The following AIG1 variants were observed in gnomAD, a reference collection of about 807,000 sequenced individuals.
AIG1 encodes androgen induced 1, also known as androgen-induced gene 1 protein.
A neutral mutation model predicts 31.4 loss-of-function variants in AIG1; 23 were observed. The ratio of observed to expected loss-of-function variants is 0.73; its 90% CI spans 0.53 to 1.04. AIG1 has a LOEUF of 1.04. AIG1 is among the 50% of genes least tolerant of loss of function. The pLI is 0.00. For synonymous variants in AIG1, 100 were observed against 110.5 expected (o/e 0.90, Z 0.60); for missense variants, 274 against 295.0 (o/e 0.93, Z 0.52).
intron 3 of AIG1, among the ~76,000 whole-genome samples, chr6:143,221,388 A>G (rs1312332567): frequency 6.6e-6 from 1 of 151,764 alleles, no homozygotes; most frequent in African/African-American, 2.4e-5. Flanking sequence ...TCTGGCTTCA[A>G]CTTTTGGCTT....
intron 3 of AIG1, among the ~76,000 whole-genome samples, chr6:143,260,311 C>T (rs1014092654): frequency 2.1e-4 from 32 of 152,218 alleles, no homozygotes; most frequent in African/African-American, 7.2e-4. Flanking sequence ...TGAGCCACCG[C>T]ATCTGGCGGG....
intron 3 of AIG1, among the ~76,000 whole-genome samples, chr6:143,180,681 G>A (rs73781104): frequency 8.0e-4 from 121 of 152,198 alleles, no homozygotes; most frequent in African/African-American, 2.8e-3. Context: ...AAGAAGGTTA[G>A]GATATTATTA....
In AIG1 at chr6:143,333,012, A is replaced by G. The variant is rs1476168560; in HGVS notation, c.516-270A>G. Among the ~76,000 whole-genome samples the G allele has an allele frequency of 3.9e-5, 6 of 152,328 alleles. No individual in the cohort carries two copies. Among genetic ancestry groups the G allele is most frequent in the South Asian group, 2.1e-4 (1 of 4,828 alleles). On this transcript the variant is annotated intron_variant, in intron 4 of 5. Transcript: ENST00000357847. This position sits in a 1 kb window ranked among gnomAD's most constrained non-coding sequence, Gnocchi z 4.6. ...AATGTTAATTTTTTAATTTTAGTCA[A>G]TTGTCCCAGGATTATACAAGATGTT...
intron 2 of AIG1, among the ~76,000 whole-genome samples, chr6:143,149,532 C>CAAAAAAAA (rs71767812): frequency 7.5e-5 from 3 of 40,016 alleles, no homozygotes; most frequent in Non-Finnish European, 1.6e-4. Context: ...GACTCTGTCT[C>CAAAAAAAA]AAAAAAAAAA....
chr6:143,341,420 T>G (rs775013142), downstream of AIG1, among the ~76,000 whole-genome samples: 1 of 152,214 alleles, frequency 6.6e-6, no homozygotes, highest in African/African-American at 2.4e-5. Context: ...TAACCCCTAG[T>G]GCCTTAGAAT....
At chr6:143,171,872 C>T (rs994120146) in intron 3 of AIG1, among the ~76,000 whole-genome samples, 8 of 151,906 alleles carry the variant, frequency 5.3e-5, no homozygotes, top group East Asian at 3.9e-4. Context: ...TTATAGCCAC[C>T]TTCACAGGAG....
At chr6:143,287,117 C>T (rs1797735203) in intron 4 of AIG1, among the ~76,000 whole-genome samples, 1 of 152,008 alleles carries the variant, frequency 6.6e-6, no homozygotes, top group Non-Finnish European at 1.5e-5. Flanking sequence ...GGACACCCCC[C>T]TCCATCATCA....
intron 3 of AIG1, among the ~76,000 whole-genome samples, chr6:143,206,927 T>C (rs1049778911): frequency 3.9e-5 from 6 of 152,154 alleles, no homozygotes; most frequent in Non-Finnish European, 7.4e-5. Flanking sequence ...AGAGTGGAGA[T>C]AAAATAGAAG....
At chr6:143,342,398 G>T, downstream of AIG1, 1 of 710,360 alleles carries the variant, frequency 1.4e-6, no homozygotes, top group Non-Finnish European at 2.6e-6. Flanking sequence ...AGAAAAAAAT[G>T]TGGTTCAGAA....
chr6:143,071,752 TTCTTC>T (rs1777298017), intron 1 of AIG1, among the ~76,000 whole-genome samples: 1 of 151,662 alleles, frequency 6.6e-6, no homozygotes, highest in African/African-American at 2.4e-5. Context: ...CTCTTCCTCC[TTCTTC>T]TCTTCTTTTT....
chr6:143,308,936 TAAAATATATTTAA>T (rs1562579848), intron 4 of AIG1, among the ~76,000 whole-genome samples: 2 of 151,764 alleles, frequency 1.3e-5, no homozygotes, highest in Non-Finnish European at 2.9e-5. Flanking sequence ...CTGCCATATA[TAAAATATATTTAA>T]AAAATATATT....
At chr6:143,290,440 C>T (rs902347546) in intron 4 of AIG1, among the ~76,000 whole-genome samples, 15 of 152,182 alleles carry the variant, frequency 9.9e-5, no homozygotes, top group African/African-American at 2.9e-4. Flanking sequence ...TGGCAGGGGC[C>T]GCATGCGCAG....
At chr6:143,131,079 T>C (rs572658952) in intron 1 of AIG1, among the ~76,000 whole-genome samples, 11 of 152,366 alleles carry the variant, frequency 7.2e-5, no homozygotes, top group Admixed American at 7.2e-4. Context: ...TGCTTTTTTT[T>C]GTTTTGGTTT....
intron 2 of AIG1, among the ~76,000 whole-genome samples, chr6:143,144,109 C>T (rs577356010): frequency 6.6e-6 from 1 of 152,170 alleles, no homozygotes; most frequent in Non-Finnish European, 1.5e-5. Context: ...TATGCTAGCT[C>T]AGAGTGGTCA....
chr6:143,213,691 A>G (rs1006991926), intron 3 of AIG1, among the ~76,000 whole-genome samples: 2 of 142,102 alleles, frequency 1.4e-5, no homozygotes, highest in Admixed American at 1.4e-4. Flanking sequence ...TAATTTTTAC[A>G]TTTTTAGTAG....
At chr6:143,102,213 T>A (rs191729363) in intron 1 of AIG1, among the ~76,000 whole-genome samples, 161 of 152,050 alleles carry the variant, frequency 1.1e-3, no homozygotes, top group African/African-American at 3.6e-3. Context: ...TGTTTACATT[T>A]GAACACAATC....
At chr6:143,073,794 A>T (rs1777500519) in intron 1 of AIG1, among the ~76,000 whole-genome samples, 1 of 152,214 alleles carries the variant, frequency 6.6e-6, no homozygotes, top group Non-Finnish European at 1.5e-5. Flanking sequence ...GGAGTGAGAG[A>T]ATTAAGTGCT....
At position 143,190,257 on chromosome 6, in the gene AIG1, A is replaced by C. The variant is rs148507064; in HGVS notation, c.399+25074A>C. 1,340 of 985,490 alleles carry C rather than the reference A, an allele frequency of 1.4e-3. 15 individuals carry two copies. The African/African-American group carries it at 0.021, about 16-fold the overall frequency. The allele number at this position is 985,490 out of a possible 1,614,324, so 61.0% of individuals were successfully genotyped here. The stretch of plus-strand genomic sequence containing the variant: ...AGGAACACCATGACTTCTGATATTT[A>C]ATATCATGGATCACAGATTGTAGGA... On this transcript the variant is annotated intron_variant, in intron 3 of 5. Coordinates refer to ENST00000357847, the MANE Select transcript of AIG1 (RefSeq NM_016108.4).
chr6:143,089,956 A>G (rs1312297951), intron 1 of AIG1, among the ~76,000 whole-genome samples: 2 of 152,254 alleles, frequency 1.3e-5, no homozygotes, highest in African/African-American at 4.8e-5. Context: ...TGGAAATTGC[A>G]TAAGCCAATG....
Sources: allele counts gnomAD v4.1 joint callset (sites outside exome capture counted in the v4.1 genomes callset), GRCh38; gene constraint gnomAD v4.1.1; non-coding constraint Gnocchi (gnomAD v3.1); transcripts MANE v1.5; gene names NCBI Gene and HGNC (gene_info 2026-07-23, HGNC 2026-07-21).